Variants in MCC observed in about 807,000 individuals in gnomAD.
The protein encoded by MCC is colorectal mutant cancer protein.
MCC carries 90 observed loss-of-function variants against 116.2 expected under a neutral mutation model. The observed-to-expected ratio is 0.77, with a 90% confidence interval of 0.65 to 0.92. The LOEUF (loss-of-function observed/expected upper bound fraction) is 0.92, where lower values mean the gene tolerates loss of function less well. Among genes scored for constraint, MCC ranks in the 40% least tolerant of loss-of-function variants. The pLI, the probability that MCC is intolerant of heterozygous loss-of-function variation, is 0.00. For synonymous variants in MCC, 578 were observed against 510.5 expected, an observed-to-expected ratio of 1.13 and a Z score of -1.78; for missense variants, 1,516 against 1,312.2, an observed-to-expected ratio of 1.16 and a Z score of -2.40.
At chr5:113,247,232 G>C (rs1468341203) in intron 3 of MCC, among the ~76,000 whole-genome samples, 1 of 152,174 alleles carries the variant, frequency 6.6e-6, no homozygotes, top group Non-Finnish European at 1.5e-5. Context: ...GTTTCATCAA[G>C]GGGCAACTGA....
intron 1 of MCC, among the ~76,000 whole-genome samples, chr5:113,440,883 T>C (rs1303640951): frequency 6.6e-6 from 1 of 152,236 alleles, no homozygotes; most frequent in African/African-American, 2.4e-5. Flanking sequence ...TGACTTTTTA[T>C]ATTACCGCTG....
chr5:113,271,223 A>C (rs558998403), intron 3 of MCC, among the ~76,000 whole-genome samples: 97 of 152,328 alleles, frequency 6.4e-4, no homozygotes, highest in Non-Finnish European at 1.1e-3. Context: ...CGCTTAAGAA[A>C]TGTCTTGCTT....
At chr5:113,465,527 T>G in intron 1 of MCC, among the ~76,000 whole-genome samples, 1 of 152,168 alleles carries the variant, frequency 6.6e-6, no homozygotes, top group Non-Finnish European at 1.5e-5. Flanking sequence ...AGTGATAGAT[T>G]TGGCTGCATA....
intron 11 of MCC, among the ~76,000 whole-genome samples, 164 bp downstream of exon 11, chr5:113,082,696 A>T (rs1754940981): frequency 6.6e-6 from 1 of 152,118 alleles, no homozygotes; most frequent in Non-Finnish European, 1.5e-5. Context: ...TGCTGTGAGC[A>T]CTCCTCTGAT....
At chr5:113,428,470 A>G (rs1770539484) in intron 1 of MCC, among the ~76,000 whole-genome samples, 2 of 152,264 alleles carry the variant, frequency 1.3e-5, no homozygotes, top group South Asian at 4.1e-4. Flanking sequence ...TTCCCCAGAG[A>G]CACCCCATAT....
intron 1 of MCC, among the ~76,000 whole-genome samples, chr5:113,392,622 G>A (rs1769428292): frequency 6.6e-6 from 1 of 152,024 alleles, no homozygotes; most frequent in Non-Finnish European, 1.5e-5. Context: ...AACAATATCT[G>A]TAACAGCAAA....
chr5:113,071,127 T>A lies in MCC; in HGVS notation c.1892A>T (p.Asn631Ile), dbSNP rs79519717. 1.2e-6 allele frequency: 2 copies of A among 1,614,138 alleles called. No homozygotes were observed. The highest frequency in any genetic ancestry group is 1.7e-6 in the Non-Finnish European group (2 of 1,180,006). ...MSMLVGKYES[N>I]ATALRLALQY... Reference sequence around the variant, plus strand: ...CAAGGCCAGCCTCAGCGCTGTGGCATTGGATTCGTATTTTCCCACCAGCAT... The same window carrying A: ...CAAGGCCAGCCTCAGCGCTGTGGCAATGGATTCGTATTTTCCCACCAGCAT... The change falls in exon 12 of 19, where the codon AAT (asparagine) becomes ATT (isoleucine). Residue 631 changes from asparagine to isoleucine, a missense_variant. Coordinates refer to ENST00000408903, the MANE Select transcript of MCC (RefSeq NM_001085377.2).
At chr5:113,153,551 C>T (rs1048256601) in intron 3 of MCC, among the ~76,000 whole-genome samples, 3 of 152,222 alleles carry the variant, frequency 2.0e-5, no homozygotes, top group African/African-American at 7.2e-5. Context: ...GGGGCAGGTC[C>T]CTTCACTTCT....
At position 113,488,316 on chromosome 5, in the gene MCC, G is replaced by A. The variant is rs750272487; in HGVS notation, c.99C>T (p.Ser33=). 7 of 1,574,466 alleles carry A rather than the reference G, an allele frequency of 4.4e-6. No individual in the cohort carries two copies. The highest frequency in any genetic ancestry group is 6.0e-6 in the Non-Finnish European group (7 of 1,164,536). ...GCCGCATCCTCTCCTCCTCGCCGGT[G>A]CTGGACGTGTCGCTGCTGCTGCTGC... ...GSSSSSSDTS[S]TGEEERMRRL... is the part of the protein sequence containing the mutation. The change falls in exon 1 of 19, where the codon AGC becomes AGT. Residue 33 remains serine, a synonymous_variant. Transcript: ENST00000408903.
chr5:113,165,014 TAAGCCATGAACCTACC>T (rs1227057293), intron 3 of MCC, among the ~76,000 whole-genome samples: 1 of 152,196 alleles, frequency 6.6e-6, no homozygotes, highest in African/African-American at 2.4e-5. Flanking sequence ...TTCCTGCAAG[TAAGCCATGAACCTACC>T]AAAGCTGGTG....
At chr5:113,058,419 C>T (rs1434292088) in intron 14 of MCC, among the ~76,000 whole-genome samples, 3 of 152,194 alleles carry the variant, frequency 2.0e-5, no homozygotes, top group East Asian at 1.9e-4. Context: ...AAGACCTCCA[C>T]AGTCAGGAAC....
chr5:113,398,220 T>C (rs1769584424), intron 1 of MCC, among the ~76,000 whole-genome samples: 1 of 152,198 alleles, frequency 6.6e-6, no homozygotes, highest in South Asian at 2.1e-4. Context: ...AGGGGAATGC[T>C]TGTGCACTGT....
At chr5:113,170,013 C>A (rs151084047) in intron 3 of MCC, among the ~76,000 whole-genome samples, 1 of 152,320 alleles carries the variant, frequency 6.6e-6, no homozygotes, top group African/African-American at 2.4e-5. Flanking sequence ...CATGATACCT[C>A]AGCTACAGCT....
At chr5:113,406,842 G>A (rs1343558662) in intron 1 of MCC, among the ~76,000 whole-genome samples, 1 of 152,158 alleles carries the variant, frequency 6.6e-6, no homozygotes, top group African/African-American at 2.4e-5. Flanking sequence ...AGTGAGGTTT[G>A]CGTGGATCTC....
intron 11 of MCC, among the ~76,000 whole-genome samples, chr5:113,078,990 T>A (rs1468505217): frequency 6.6e-6 from 1 of 152,088 alleles, no homozygotes; most frequent in African/African-American, 2.4e-5. Context: ...CCTGCAAAAA[T>A]CACAAGCATT....
chr5:113,132,142 T>C (rs1758470260), intron 5 of MCC, among the ~76,000 whole-genome samples: 1 of 151,570 alleles, frequency 6.6e-6, no homozygotes, highest in South Asian at 2.1e-4. Context: ...TTCTTTTGAG[T>C]TTTCTATTAA....
At chr5:113,461,468 A>C (rs1186994089) in intron 1 of MCC, among the ~76,000 whole-genome samples, 1 of 152,102 alleles carries the variant, frequency 6.6e-6, no homozygotes, top group Non-Finnish European at 1.5e-5. Flanking sequence ...TCCATTGTAT[A>C]TGCCACAACT....
At chr5:113,266,214 T>A (rs1335902917) in intron 3 of MCC, among the ~76,000 whole-genome samples, 1 of 151,396 alleles carries the variant, frequency 6.6e-6, no homozygotes, top group Non-Finnish European at 1.5e-5. Flanking sequence ...ATTTCTTTTG[T>A]GCTTGCTTCC....
At chr5:113,388,914 C>T (rs1270204960) in intron 1 of MCC, among the ~76,000 whole-genome samples, 4 of 152,146 alleles carry the variant, frequency 2.6e-5, no homozygotes, top group African/African-American at 9.7e-5. Context: ...ATGCTATCAT[C>T]TAGCATCTCG....
Sources: gnomAD v4.1 joint callset for allele counts (sites outside exome capture counted in the v4.1 genomes callset) on GRCh38, gnomAD v4.1.1 for gene constraint, MANE v1.5 for transcripts, NCBI Gene and HGNC (gene_info 2026-07-23, HGNC 2026-07-21) for gene names.